The following MACROD2 variants were observed in gnomAD, a reference collection of about 807,000 sequenced individuals.
The protein encoded by MACROD2 is mono-ADP ribosylhydrolase 2, also known as ADP-ribose glycohydrolase MACROD2.
Under a neutral mutation model 70.4 loss-of-function variants are expected in MACROD2, and 36 were observed. The ratio of observed to expected loss-of-function variants is 0.51; its 90% CI spans 0.39 to 0.68. MACROD2 has a LOEUF of 0.68. Among genes scored for constraint, MACROD2 ranks in the 30% least tolerant of loss-of-function variants. The pLI is 0.00. For missense variants in MACROD2, 496 were observed against 538.4 expected, an observed-to-expected ratio of 0.92 and a Z score of 0.78; for synonymous variants, 172 against 178.8, an observed-to-expected ratio of 0.96 and a Z score of 0.30.
At chr20:14,671,920 G>A (rs2070800054) in intron 4 of MACROD2, among the ~76,000 whole-genome samples, 1 of 152,172 alleles carries the variant, frequency 6.6e-6, no homozygotes, top group Non-Finnish European at 1.5e-5. Context: ...CAGGCTATAG[G>A]TGACCTCTAA....
At chr20:15,199,349 C>T (rs1477589002) in intron 5 of MACROD2, among the ~76,000 whole-genome samples, 1 of 151,902 alleles carries the variant, frequency 6.6e-6, no homozygotes, top group African/African-American at 2.4e-5. Flanking sequence ...AGAAAAAGAT[C>T]CTGTCTCAAA....
chr20:15,066,882 G>GA lies in MACROD2; in HGVS notation c.419-163043dup, dbSNP rs753955005. Among the ~76,000 whole-genome samples the GA allele has an allele frequency of 3.0e-3, 314 of 105,570 alleles. 1 individual carries two copies. The highest frequency in any genetic ancestry group is 0.023 in the East Asian group (84 of 3,732). 69.3% of individuals were successfully genotyped at this position (105,570 alleles called of 152,430 possible). ...GGGTGACAGAGAGAGACTCTGTCTC[G>GA]AAAAAAAAAAAAAAAGGAATAAGTG... On this transcript the variant is annotated intron_variant, in intron 5 of 17. Coordinates refer to ENST00000684519, the MANE Select transcript of MACROD2 (RefSeq NM_001351661.2).
intron 4 of MACROD2, among the ~76,000 whole-genome samples, chr20:14,648,428 C>A (rs1378458212): frequency 1.3e-5 from 2 of 152,116 alleles, no homozygotes; most frequent in Non-Finnish European, 2.9e-5. Flanking sequence ...CCTGAAATCT[C>A]TGTATTAATT....
Position 14,501,657 on chromosome 20 carries a change from A to G in MACROD2, c.301+8149A>G, listed in dbSNP as rs2084916196. On this transcript the variant is annotated intron_variant, in intron 4 of 17. Transcript: ENST00000684519. ...TTCATAATTAACTCTTTTTAAAAAA[A>G]TAGAGGTTTAGTCATTCTTTCAGAA... Among the ~76,000 whole-genome samples, 5 of 152,232 alleles carry G rather than the reference A, an allele frequency of 3.3e-5. No individual in the cohort carries two copies. The South Asian group carries it at 1.0e-3, about 32-fold the overall frequency.
intron 3 of MACROD2, chr20:14,127,495 T>C: frequency 4.1e-6 from 2 of 491,954 alleles, no homozygotes; most frequent in South Asian, 3.8e-5. Context: ...GTCAAATCAT[T>C]GAATATCTTA....
chr20:14,056,950 T>C (rs1332787896), intron 2 of MACROD2, among the ~76,000 whole-genome samples: 1 of 152,112 alleles, frequency 6.6e-6, no homozygotes, highest in African/African-American at 2.4e-5. Flanking sequence ...CTACATTATT[T>C]GATTCTTAGA....
At chr20:14,609,632 T>A (rs1049049866) in intron 4 of MACROD2, among the ~76,000 whole-genome samples, 1 of 152,152 alleles carries the variant, frequency 6.6e-6, no homozygotes, top group Admixed American at 6.6e-5. Context: ...AGGAGTATCA[T>A]TCTTCTCCCT....
At chr20:15,065,754 A>G (rs1488241417) in intron 5 of MACROD2, among the ~76,000 whole-genome samples, 1 of 152,220 alleles carries the variant, frequency 6.6e-6, no homozygotes, top group African/African-American at 2.4e-5. Flanking sequence ...TTATCTCATA[A>G]AAGTTGCTGA....
At chr20:15,764,975 C>T (rs1209663196) in intron 8 of MACROD2, among the ~76,000 whole-genome samples, 6 of 152,116 alleles carry the variant, frequency 3.9e-5, no homozygotes, top group African/African-American at 7.2e-5. Flanking sequence ...GTGTCCACCT[C>T]GAGCCTTTTC....
At chr20:14,837,544 T>G (rs1200432475) in intron 5 of MACROD2, among the ~76,000 whole-genome samples, 1 of 152,064 alleles carries the variant, frequency 6.6e-6, no homozygotes, top group Non-Finnish European at 1.5e-5. Flanking sequence ...TCCTTTGAGC[T>G]AACTGTGTCT....
chr20:15,263,957 A>G (rs35756339), intron 6 of MACROD2, among the ~76,000 whole-genome samples: 1 of 152,142 alleles, frequency 6.6e-6, no homozygotes, highest in Non-Finnish European at 1.5e-5. Context: ...TTTTCCAAAT[A>G]TAAGATAATA....
chr20:15,962,165 AC>A (rs1244230805), intron 12 of MACROD2, among the ~76,000 whole-genome samples: 4 of 152,188 alleles, frequency 2.6e-5, no homozygotes. Flanking sequence ...CCCACTATCA[AC>A]CTTTATTTTG....
intron 7 of MACROD2, among the ~76,000 whole-genome samples, chr20:15,474,937 C>T (rs889846493): frequency 1.3e-5 from 2 of 151,990 alleles, no homozygotes; most frequent in African/African-American, 4.8e-5. Context: ...TCGCTTCCCC[C>T]TCGCCCCTAC....
chr20:15,271,722 C>T (rs1027373778), intron 6 of MACROD2, among the ~76,000 whole-genome samples: 5 of 152,126 alleles, frequency 3.3e-5, no homozygotes, highest in African/African-American at 7.2e-5. Context: ...GAGATGTTCT[C>T]TCTGCCTTAC....
intron 13 of MACROD2, among the ~76,000 whole-genome samples, chr20:15,976,624 T>C (rs1014404668): frequency 2.0e-5 from 3 of 152,228 alleles, no homozygotes; most frequent in Admixed American, 1.3e-4. Context: ...CTGGGTGCGG[T>C]GCAAGGCAGT....
chr20:15,772,330 G>C (rs6131702), intron 8 of MACROD2, among the ~76,000 whole-genome samples: 3 of 151,534 alleles, frequency 2.0e-5, no homozygotes, highest in Non-Finnish European at 4.4e-5. Context: ...AATCCACATA[G>C]TAAGTGATTC....
chr20:14,664,176 G>C (rs2070711108), intron 4 of MACROD2, among the ~76,000 whole-genome samples: 1 of 152,064 alleles, frequency 6.6e-6, no homozygotes, highest in African/African-American at 2.4e-5. Flanking sequence ...AGAAAACACT[G>C]TATTTTCTCA....
At chr20:15,644,390 G>A (rs575704611) in intron 8 of MACROD2, among the ~76,000 whole-genome samples, 173 of 152,174 alleles carry the variant, frequency 1.1e-3, no homozygotes, top group African/African-American at 4.1e-3. Context: ...CCAAATCCAG[G>A]GAGAATCCTA....
At chr20:15,976,138 C>A (rs993524781) in intron 13 of MACROD2, among the ~76,000 whole-genome samples, 1 of 152,160 alleles carries the variant, frequency 6.6e-6, no homozygotes, top group Non-Finnish European at 1.5e-5. Context: ...TGTTCAGAAA[C>A]AGTCCATTTA....
Sources: allele counts gnomAD v4.1 joint callset (sites outside exome capture counted in the v4.1 genomes callset), GRCh38; gene constraint gnomAD v4.1.1; transcripts MANE v1.5; gene names NCBI Gene and HGNC (gene_info 2026-07-23, HGNC 2026-07-21).